FCRL3: variants seen among roughly 807,000 people sequenced by gnomAD.
FCRL3 encodes Fc receptor like 3, also known as Fc receptor-like protein 3.
FCRL3 carries 89 observed loss-of-function variants against 75.0 expected under a neutral mutation model. The observed-to-expected ratio is 1.19, with a 90% confidence interval of 1.00 to 1.42. The LOEUF (loss-of-function observed/expected upper bound fraction) is 1.42, where lower values mean the gene tolerates loss of function less well. Ranked by LOEUF, FCRL3 falls within the 40% of genes most tolerant of loss-of-function variation. The pLI is 0.00. For missense variants in FCRL3, 946 were observed against 880.0 expected, an observed-to-expected ratio of 1.07 and a Z score of -0.95; for synonymous variants, 376 against 348.5, an observed-to-expected ratio of 1.08 and a Z score of -0.88.
At position 157,698,502 on chromosome 1, in the gene FCRL3, G is replaced by T. The variant is rs150760371; in HGVS notation, c.180C>A (p.His60Gln). ...GTTTTATTTTCAACAACTTCTCATC[G>T]TGATACCAATATGTGTCTCCCTGGG... ...SLAQGDTYWY[H>Q]DEKLLKIKHD... is the part of the protein sequence containing the mutation. The change falls in exon 4 of 15, where the codon CAC (histidine) becomes CAA (glutamine). Residue 60 changes from histidine (H) to glutamine (Q), a missense_variant. By Grantham distance (24) the His-to-Gln change is conservative. Coordinates refer to ENST00000368184, the MANE Select transcript of FCRL3 (RefSeq NM_052939.4). 6.2e-7 allele frequency: 1 copy of T among 1,614,136 alleles called. No homozygotes were observed. Among genetic ancestry groups the T allele is most frequent in the East Asian group, 2.2e-5 (1 of 44,886 alleles).
rs2101626509 is a variant in FCRL3, at chr1:157,698,394, T to C, written c.288A>G (p.Glu96=). ...GSSLSDAVHV[E]FSPDWLILQA... is the part of the protein sequence containing the mutation. ...CCTTCCATTCCTCACCAGGTGAAAATTCCACATGCACGGCATCACTGAGGG... is the reference window on the plus strand; with the variant it reads ...CCTTCCATTCCTCACCAGGTGAAAACTCCACATGCACGGCATCACTGAGGG... The change falls in exon 4 of 15, where the codon GAA becomes GAG. Residue 96 remains glutamate, a synonymous_variant. Coordinates refer to ENST00000368184, the MANE Select transcript of FCRL3 (RefSeq NM_052939.4). 6.2e-7 allele frequency: 1 copy of C among 1,614,192 alleles called. No homozygotes were observed. Among genetic ancestry groups the C allele is most frequent in the Middle Eastern group, 1.6e-4 (1 of 6,062 alleles).
Position 157,695,454 on chromosome 1 carries a change from G to A in FCRL3, c.1286C>T (p.Ala429Val). 2 of 1,614,200 alleles carry A rather than the reference G, an allele frequency of 1.2e-6. No homozygotes were observed. Among genetic ancestry groups the A allele is most frequent in the Non-Finnish European group, 8.5e-7 (1 of 1,180,032 alleles). ...GAAGGAGGCTCCTCCTCCAGAGGGG[G>A]CTGAGCTGTTCCCCAGGGTGACATC... Reference protein sequence around the residue: ...HEDVTLGNSSAPSGGGASFNL... With the variant: ...HEDVTLGNSSVPSGGGASFNL... The change falls in exon 8 of 15, where the codon GCC becomes GTC. Residue 429 changes from alanine (A) to valine (V), a missense_variant. Ala to Val is a moderately conservative substitution (Grantham distance 64). Coordinates refer to ENST00000368184, the MANE Select transcript of FCRL3 (RefSeq NM_052939.4).
In FCRL3 at chr1:157,679,676, A is replaced by G. The variant is rs545149276; in HGVS notation, c.2027-703T>C. Among the ~76,000 whole-genome samples the G allele has an allele frequency of 1.1e-4, 17 of 151,982 alleles. No homozygotes were observed. The East Asian group carries it at 3.3e-3, about 29-fold the overall frequency. On this transcript the variant is annotated intron_variant, in intron 13 of 14. Transcript: ENST00000368184. The stretch of plus-strand genomic sequence containing the variant: ...AAACCCTGTCTCTACTAAAAATACA[A>G]AATTTAGCTGGGCATGGTGATGCAT...
chr1:157,695,584 T>C lies in FCRL3; in HGVS notation c.1156A>G (p.Thr386Ala). ...GTGTGGGCCCTGGGAGCCCTGAAGGTGAGGACAGGGTGAGATACCGGAACT... is the reference window on the plus strand; with the variant it reads ...GTGTGGGCCCTGGGAGCCCTGAAGGCGAGGACAGGGTGAGATACCGGAACT... ...VRIPVSHPVL[T>A]FRAPRAHTVV... The change falls in exon 8 of 15, where the codon ACC becomes GCC. Residue 386 changes from threonine (T) to alanine (A), a missense_variant. Thr to Ala is a moderately conservative substitution (Grantham distance 58). Transcript: ENST00000368184. 1 of 1,612,388 alleles carries C rather than the reference T, an allele frequency of 6.2e-7. No homozygotes were observed. Among genetic ancestry groups the C allele is most frequent in the South Asian group, 1.1e-5 (1 of 90,950 alleles).
intron 8 of FCRL3, among the ~76,000 whole-genome samples, chr1:157,694,892 C>T (rs777726216): frequency 3.9e-5 from 6 of 152,098 alleles, no homozygotes; most frequent in Non-Finnish European, 8.8e-5. Context: ...AAGAGAGACA[C>T]TTTAATGATC....
At chr1:157,683,191 G>A in intron 11 of FCRL3, 26 bp downstream of exon 11, 6 of 1,605,254 alleles carry the variant, frequency 3.7e-6, no homozygotes, top group Non-Finnish European at 5.1e-6. Flanking sequence ...TGAAAATGTT[G>A]GCAGCACAAG....
In FCRL3 at chr1:157,697,157, G is replaced by T; in HGVS notation, c.827C>A (p.Ser276Tyr). ...THSIKKRSLR[S>Y]QIRVQRVPVS... ...ACACTCACTCTGTACACGTATCTGAGATCTCAGGCTCCTTTTTTTGATGCT... is the reference window on the plus strand; with the variant it reads ...ACACTCACTCTGTACACGTATCTGATATCTCAGGCTCCTTTTTTTGATGCT... The change falls in exon 6 of 15, where the codon TCT (serine) becomes TAT (tyrosine). Residue 276 changes from serine (S) to tyrosine (Y), a missense_variant. Ser to Tyr is a moderately radical substitution (Grantham distance 144). Coordinates refer to ENST00000368184, the MANE Select transcript of FCRL3 (RefSeq NM_052939.4). 9.3e-6 allele frequency: 14 copies of T among 1,508,258 alleles called. No individual in the cohort carries two copies. Among genetic ancestry groups the T allele is most frequent in the Non-Finnish European group, 1.2e-5 (14 of 1,127,340 alleles). 93.4% of individuals were successfully genotyped at this position (1,508,258 alleles called of 1,614,324 possible). A position where few individuals can be genotyped will look rare whatever the true frequency, so the allele number is the denominator to read the frequency against.
intron 10 of FCRL3, among the ~76,000 whole-genome samples, chr1:157,687,770 C>T (rs1655263614): frequency 6.6e-6 from 1 of 151,534 alleles, no homozygotes; most frequent in African/African-American, 2.4e-5. Context: ...ACAACAGACA[C>T]TGTGGACTAC....
rs768327107 is a variant in FCRL3 at position 157,683,235 on chromosome 1, G to A, written c.1820C>T (p.Ser607Phe). The A allele has an allele frequency of 1.2e-6, 2 of 1,613,656 alleles. No individual in the cohort carries two copies. Among genetic ancestry groups the A allele is most frequent in the East Asian group, 2.2e-5 (1 of 44,862 alleles). ...ARARRKPGGL[S>F]ATGTSSHSPS... ...ACCTCACCTAGATGTTCCAGTGGCA[G>A]AAAGTCCTCCTGCAAAACAAACAAA... The change falls in exon 11 of 15, where the codon TCT becomes TTT. Residue 607 changes from serine to phenylalanine, a missense_variant. Physicochemically the swap from Ser to Phe is radical, Grantham distance 155. Coordinates refer to ENST00000368184, the MANE Select transcript of FCRL3 (RefSeq NM_052939.4).
chr1:157,698,120 T>G, intron 4 of FCRL3: 1 of 730,996 alleles, frequency 1.4e-6, no homozygotes, highest in Non-Finnish European at 2.2e-6. Flanking sequence ...TTGAGAAATC[T>G]TCACATGTCT....
chr1:157,700,226 C>T (rs1656227997), intron 2 of FCRL3, among the ~76,000 whole-genome samples: 1 of 152,098 alleles, frequency 6.6e-6, no homozygotes, highest in African/African-American at 2.4e-5. Context: ...ATCCAAGTTT[C>T]CTATGAGGTG....
At position 157,699,713 on chromosome 1, in the gene FCRL3, C is replaced by A. The variant is rs370072050; in HGVS notation, c.32-1G>T. 90 of 1,613,406 alleles carry A rather than the reference C, an allele frequency of 5.6e-5. No individual in the cohort carries two copies. In the African/African-American group the frequency reaches 9.2e-4, roughly 16 times the overall value. ...TTACCTGATTGTTCTCTTCCAGGAG[C>A]TGTGAGGGAGCAGAAAATGACAATC... On this transcript the variant is annotated splice_acceptor_variant, in intron 2 of 14. Transcript: ENST00000368184. LOFTEE classifies it high-confidence loss of function.
chr1:157,678,102 GT>G lies in FCRL3; in HGVS notation c.*607del. The stretch of plus-strand genomic sequence containing the variant: ...ACAAGTCACATATTAAACTAGCAGA[GT>G]CTTTAATGAAATGCTGAAGTTATTT... On this transcript the variant is annotated 3_prime_UTR_variant, in exon 15 of 15. Coordinates refer to ENST00000368184, the MANE Select transcript of FCRL3 (RefSeq NM_052939.4). The G allele has an allele frequency of 1.0e-6, 1 of 986,038 alleles. No homozygotes were observed. The highest frequency in any genetic ancestry group is 1.2e-6 in the Non-Finnish European group (1 of 830,454). 61.1% of individuals were successfully genotyped at this position (986,038 alleles called of 1,614,324 possible).
Position 157,683,248 on chromosome 1 carries a change from C to T in FCRL3, c.1811-4G>A, listed in dbSNP as rs749893936. On this transcript the variant is annotated splice_polypyrimidine_tract_variant and splice_region_variant and intron_variant, in intron 10 of 14. Transcript: ENST00000368184. ...GTTCCAGTGGCAGAAAGTCCTCCTGCAAAACAAACAAAGGAAGGTTGGTGG... is the reference window on the plus strand; with the variant it reads ...GTTCCAGTGGCAGAAAGTCCTCCTGTAAAACAAACAAAGGAAGGTTGGTGG... The T allele has an allele frequency of 6.8e-6, 11 of 1,613,312 alleles. No individual in the cohort carries two copies. The highest frequency in any genetic ancestry group is 9.3e-6 in the Non-Finnish European group (11 of 1,179,650).
At chr1:157,699,750 G>C in intron 2 of FCRL3, 38 bp from the exon 3 acceptor site, 1 of 1,609,402 alleles carries the variant, frequency 6.2e-7, no homozygotes, top group Non-Finnish European at 8.5e-7. Context: ...GACACTCTCC[G>C]AAACATTTTC....
intron 11 of FCRL3, among the ~76,000 whole-genome samples, chr1:157,682,262 T>C (rs1046426685): frequency 2.0e-5 from 3 of 152,204 alleles, no homozygotes; most frequent in South Asian, 2.1e-4. Flanking sequence ...ATCCCATTTG[T>C]CAATTTTGGC....
In FCRL3 at chr1:157,677,211, T is replaced by G. The variant is rs577296083; in HGVS notation, c.*1499A>C. 1.1e-5 allele frequency: 11 copies of G among 1,006,462 alleles called. No homozygotes were observed. The East Asian group carries it at 5.6e-4, about 52-fold the overall frequency. The allele number at this position is 1,006,462 out of a possible 1,614,324, so 62.3% of individuals were successfully genotyped here. ...TGCTGGTCGTAATGGAGGACAAAAG[T>G]GCCTTCTGGTGAAACTCAGCTTCCA... On this transcript the variant is annotated 3_prime_UTR_variant, in exon 15 of 15. Coordinates refer to ENST00000368184, the MANE Select transcript of FCRL3 (RefSeq NM_052939.4).
Position 157,678,820 on chromosome 1 carries a change from G to C in FCRL3, c.2095C>G (p.His699Asp). ...GCCTCCCCTGCAGAGTCGTCTGGGT[G>C]TGTCTTCTTCAGTTCTGAATAGAGG... Reference protein sequence around the residue: ...TVLYSELKKTHPDDSAGEASS... With the variant: ...TVLYSELKKTDPDDSAGEASS... Residue 699 changes from histidine (H) to aspartate (D), a missense_variant, in exon 15 of 15, where the codon CAC (histidine) becomes GAC (aspartate). His to Asp is a moderately conservative substitution (Grantham distance 81). Transcript: ENST00000368184. 6.2e-7 allele frequency: 1 copy of C among 1,614,040 alleles called. No homozygotes were observed. Among genetic ancestry groups the C allele is most frequent in the Non-Finnish European group, 8.5e-7 (1 of 1,179,990 alleles).
At chr1:157,695,986 GA>G in intron 7 of FCRL3, 53 bp downstream of exon 7, 1 of 1,513,582 alleles carries the variant, frequency 6.6e-7, no homozygotes, top group South Asian at 1.2e-5. Flanking sequence ...GGCTGACAGA[GA>G]ACCTAAACCC....
Sources: gnomAD v4.1 joint callset for allele counts (sites outside exome capture counted in the v4.1 genomes callset) on GRCh38, gnomAD v4.1.1 for gene constraint, MANE v1.5 for transcripts, NCBI Gene and HGNC (gene_info 2026-07-23, HGNC 2026-07-21) for gene names.